Variants in ITGA8 observed in about 807,000 individuals in gnomAD.
ITGA8 encodes integrin subunit alpha 8, also known as integrin alpha-8.
ITGA8 carries 91 observed loss-of-function variants against 142.3 expected under a neutral mutation model. The ratio of observed to expected loss-of-function variants is 0.64; its 90% CI spans 0.54 to 0.76. The LOEUF (loss-of-function observed/expected upper bound fraction) is 0.76. Among genes scored for constraint, ITGA8 ranks in the 30% least tolerant of loss-of-function variants. The probability of loss-of-function intolerance (pLI) is 0.00; values close to 1 mark genes in which losing one functional copy is unlikely to be tolerated. For synonymous variants in ITGA8, 505 were observed against 485.2 expected (o/e 1.04, Z -0.54); for missense variants, 1,406 against 1,327.7 (o/e 1.06, Z -0.92).
chr10:15,657,832 C>A (rs902106588), intron 10 of ITGA8, among the ~76,000 whole-genome samples: 3 of 152,118 alleles, frequency 2.0e-5, no homozygotes, highest in African/African-American at 7.2e-5. Context: ...TGTAAATAGT[C>A]ACATATAAGT....
chr10:15,699,735 G>A (rs1160670034), intron 2 of ITGA8, among the ~76,000 whole-genome samples: 1 of 152,124 alleles, frequency 6.6e-6, no homozygotes, highest in Non-Finnish European at 1.5e-5. Flanking sequence ...ATATTCTTTT[G>A]ATTAGACATG....
In ITGA8 at chr10:15,558,178, G is replaced by T; in HGVS notation, c.2662C>A (p.Pro888Thr). 5.6e-6 allele frequency: 9 copies of T among 1,614,200 alleles called. No individual in the cohort carries two copies. Among genetic ancestry groups the T allele is most frequent in the Non-Finnish European group, 7.6e-6 (9 of 1,180,034 alleles). Residue 888 changes from proline (P) to threonine (T), a missense_variant, in exon 26 of 30, where the codon CCT (proline) becomes ACT (threonine). Coordinates refer to ENST00000378076, the MANE Select transcript of ITGA8 (RefSeq NM_003638.3). The stretch of plus-strand genomic sequence containing the variant: ...TTTCGCAAAAAGGCGCTGAGCTCAG[G>T]GGTGTCCTCTGGGGAGGCAGCAGGC... ...IKPAASPEDT[P>T]ELSAFLRNST...
intron 4 of ITGA8, among the ~76,000 whole-genome samples, chr10:15,680,073 A>G (rs1834706586): frequency 6.6e-6 from 1 of 152,316 alleles, no homozygotes; most frequent in African/African-American, 2.4e-5. Context: ...AATATTGATG[A>G]CTGGGCATGC....
chr10:15,652,424 C>A (rs1336594115), intron 11 of ITGA8, among the ~76,000 whole-genome samples: 1 of 147,324 alleles, frequency 6.8e-6, no homozygotes, highest in Non-Finnish European at 1.5e-5. Flanking sequence ...TGTGTCTGTG[C>A]ATATCTGAAA....
intron 27 of ITGA8, among the ~76,000 whole-genome samples, chr10:15,535,459 C>T (rs994723938): frequency 2.0e-5 from 3 of 152,148 alleles, no homozygotes; most frequent in African/African-American, 7.2e-5. Context: ...ATACACCAAT[C>T]GGCACTGTGT....
chr10:15,592,172 G>A, intron 22 of ITGA8, 53 bp downstream of exon 22: 1 of 1,322,950 alleles, frequency 7.6e-7, no homozygotes, highest in African/African-American at 1.5e-5. Flanking sequence ...ATTTCACTGT[G>A]GATCTCTTTT....
intron 3 of ITGA8, among the ~76,000 whole-genome samples, chr10:15,684,371 G>GT (rs767902729): frequency 0.011 from 1,620 of 144,756 alleles, 9 homozygotes; most frequent in Non-Finnish European, 0.014. Flanking sequence ...TCTGACAATA[G>GT]TTTTTTTTTT....
chr10:15,601,959 A>G (rs934120166), intron 20 of ITGA8, among the ~76,000 whole-genome samples: 9 of 152,250 alleles, frequency 5.9e-5, no homozygotes, highest in Non-Finnish European at 1.2e-4. Context: ...CCAAAGGGAA[A>G]TTGACAGAGA....
At chr10:15,638,563 T>A (rs1035692821) in intron 13 of ITGA8, among the ~76,000 whole-genome samples, 5 of 152,168 alleles carry the variant, frequency 3.3e-5, no homozygotes, top group Admixed American at 6.5e-5. Context: ...AGCGTTTATC[T>A]CAAGAATGGG....
At chr10:15,660,492 C>T (rs1834264183) in intron 9 of ITGA8, among the ~76,000 whole-genome samples, 1 of 152,156 alleles carries the variant, frequency 6.6e-6, no homozygotes, top group African/African-American at 2.4e-5. Flanking sequence ...TAAAATGAAA[C>T]ATTTCTTTGC....
intron 25 of ITGA8, among the ~76,000 whole-genome samples, chr10:15,563,568 C>CTAT (rs979730500): frequency 2.0e-5 from 3 of 151,948 alleles, no homozygotes; most frequent in Admixed American, 6.5e-5. Context: ...AAGATATAGC[C>CTAT]TATTATTATT....
chr10:15,653,839 T>C (rs1322224789), intron 11 of ITGA8, among the ~76,000 whole-genome samples: 2 of 151,654 alleles, frequency 1.3e-5, no homozygotes, highest in East Asian at 1.9e-4. Flanking sequence ...TTCTTTTTTT[T>C]TTTTTTCTTG....
chr10:15,623,056 G>A (rs1411428655), intron 13 of ITGA8, among the ~76,000 whole-genome samples: 2 of 152,202 alleles, frequency 1.3e-5, no homozygotes, highest in Non-Finnish European at 2.9e-5. Context: ...GTATGACTAT[G>A]TGTACCGCTG....
At chr10:15,687,439 A>G (rs985764599) in intron 3 of ITGA8, among the ~76,000 whole-genome samples, 10 of 152,210 alleles carry the variant, frequency 6.6e-5, no homozygotes, top group Non-Finnish European at 1.0e-4. Flanking sequence ...AAGATTATCT[A>G]TTTGAGAATG....
chr10:15,561,656 A>G (rs1344478911), intron 25 of ITGA8, among the ~76,000 whole-genome samples: 1 of 152,196 alleles, frequency 6.6e-6, no homozygotes, highest in Admixed American at 6.5e-5. Flanking sequence ...GATACGGGAA[A>G]TGGAGATACT....
chr10:15,615,233 C>T (rs1000919325), intron 14 of ITGA8, among the ~76,000 whole-genome samples: 1 of 152,200 alleles, frequency 6.6e-6, no homozygotes, highest in Non-Finnish European at 1.5e-5. Context: ...TCCACAGCCA[C>T]CGCAAACGCA....
At chr10:15,714,740 A>G (rs1835420447) in intron 2 of ITGA8, among the ~76,000 whole-genome samples, 1 of 152,216 alleles carries the variant, frequency 6.6e-6, no homozygotes, top group Non-Finnish European at 1.5e-5. Context: ...GAAAATGGCA[A>G]TTGACCTTAA....
At chr10:15,652,177 T>C (rs1429571429) in intron 11 of ITGA8, among the ~76,000 whole-genome samples, 1 of 152,238 alleles carries the variant, frequency 6.6e-6, no homozygotes, top group Non-Finnish European at 1.5e-5. Context: ...TCACAATTTG[T>C]TTTTTCCTTA....
chr10:15,622,080 C>A (rs1833500540), intron 13 of ITGA8, among the ~76,000 whole-genome samples: 1 of 152,126 alleles, frequency 6.6e-6, no homozygotes, highest in Non-Finnish European at 1.5e-5. Context: ...ATCACTTGAA[C>A]CCGGGAGGTG....
Sources: gnomAD v4.1 joint callset for allele counts (sites outside exome capture counted in the v4.1 genomes callset) on GRCh38, gnomAD v4.1.1 for gene constraint, MANE v1.5 for transcripts, NCBI Gene and HGNC (gene_info 2026-07-23, HGNC 2026-07-21) for gene names.